Variants in MDFIC observed in about 807,000 individuals in gnomAD.
MDFIC encodes myoD family inhibitor domain-containing protein.
A neutral mutation model predicts 23.2 loss-of-function variants in MDFIC; 17 were observed. That is an observed-to-expected ratio of 0.73 (90% CI 0.50 to 1.10). The LOEUF (loss-of-function observed/expected upper bound fraction) is 1.10. Ranked by LOEUF, MDFIC falls within the 50% of genes least tolerant of loss-of-function variation. The probability of loss-of-function intolerance (pLI) is 0.00; values close to 1 mark genes in which losing one functional copy is unlikely to be tolerated. For missense variants in MDFIC, 356 were observed against 316.6 expected (o/e 1.12, Z -0.95); for synonymous variants, 120 against 115.2 (o/e 1.04, Z -0.27).
In MDFIC at chr7:114,952,248, G is replaced by A. The variant is rs550900147; in HGVS notation, c.217+9851G>A. On this transcript the variant is annotated intron_variant, in intron 3 of 4. Transcript: ENST00000393486. ...GAAACAATCGCCATGGGCAAGCTCCGGAAGGCAGTGGTTCTCAGCTCTTAG... is the reference window on the plus strand; with the variant it reads ...GAAACAATCGCCATGGGCAAGCTCCAGAAGGCAGTGGTTCTCAGCTCTTAG... Among the ~76,000 whole-genome samples the A allele has an allele frequency of 1.2e-3, 190 of 152,276 alleles. 1 individual carries two copies. The highest frequency in any genetic ancestry group is 4.0e-3 in the African/African-American group (166 of 41,558).
At chr7:114,956,962 G>T (rs968466648) in intron 3 of MDFIC, among the ~76,000 whole-genome samples, 2 of 152,072 alleles carry the variant, frequency 1.3e-5, no homozygotes, top group South Asian at 2.1e-4. Context: ...GTGTGTTTTG[G>T]CTCCTTGGCT....
intron 4 of MDFIC, among the ~76,000 whole-genome samples, chr7:114,991,301 C>T (rs930296485): frequency 6.6e-6 from 1 of 152,064 alleles, no homozygotes; most frequent in South Asian, 2.1e-4. Context: ...CTGTAGGTTG[C>T]CTGTTCACTC....
chr7:115,010,770 G>A (rs765201419), intron 4 of MDFIC, among the ~76,000 whole-genome samples: 1 of 152,030 alleles, frequency 6.6e-6, no homozygotes. Flanking sequence ...AGTCCTTAAC[G>A]TTTATGTTTT....
chr7:115,010,664 A>T (rs1039896694), intron 4 of MDFIC, among the ~76,000 whole-genome samples: 1 of 152,198 alleles, frequency 6.6e-6, no homozygotes, highest in East Asian at 1.9e-4. Flanking sequence ...CTAGTAAATT[A>T]TAAAGGACTT....
At position 114,942,107 on chromosome 7, in the gene MDFIC, A is replaced by G. The variant is rs2290076; in HGVS notation, c.95-168A>G. ...GCCAGGCTGATAGTAGGTGCTCAGT[A>G]AATACCTGTTACTGAGCCAATAAAA... On this transcript the variant is annotated intron_variant, in intron 2 of 4. Coordinates refer to ENST00000393486, the MANE Select transcript of MDFIC (RefSeq NM_001166345.3). Among the ~76,000 whole-genome samples, 79 of 152,358 alleles carry G rather than the reference A, an allele frequency of 5.2e-4. No homozygotes were observed. The East Asian group carries it at 0.014, about 28-fold the overall frequency.
At chr7:115,006,623 A>G (rs1378154884) in intron 4 of MDFIC, among the ~76,000 whole-genome samples, 1 of 152,258 alleles carries the variant, frequency 6.6e-6, no homozygotes, top group Non-Finnish European at 1.5e-5. Context: ...ACAGTTGGGA[A>G]AATAAAATTA....
intron 4 of MDFIC, among the ~76,000 whole-genome samples, chr7:115,015,153 T>A (rs982577673): frequency 2.0e-5 from 3 of 152,202 alleles, no homozygotes; most frequent in Non-Finnish European, 4.4e-5. Context: ...AATTGAATCA[T>A]TTGTATTGGA....
chr7:114,960,611 A>C (rs913802644), intron 3 of MDFIC, among the ~76,000 whole-genome samples: 1 of 152,224 alleles, frequency 6.6e-6, no homozygotes, highest in African/African-American at 2.4e-5. Context: ...TCTCAATCAG[A>C]AAAATATGCA....
In MDFIC at chr7:115,014,054, A is replaced by G. The variant is rs559713153; in HGVS notation, c.494-1634A>G. The G allele has an allele frequency of 3.0e-6, 3 of 985,360 alleles. No individual in the cohort carries two copies. The African/African-American group carries it at 5.2e-5, about 17-fold the overall frequency. 61.0% of individuals were successfully genotyped at this position (985,360 alleles called of 1,614,324 possible). A position where few individuals can be genotyped will look rare whatever the true frequency, so the allele number is the denominator to read the frequency against. ...GGAAAGAACAGTGTGTCCTTCTACA[A>G]ACACAACTCTGGAATTTCCCTTTTG... On this transcript the variant is annotated intron_variant, in intron 4 of 4. Transcript: ENST00000393486.
intron 4 of MDFIC, among the ~76,000 whole-genome samples, chr7:115,010,520 T>C (rs1791661116): frequency 6.6e-6 from 1 of 152,220 alleles, no homozygotes; most frequent in African/African-American, 2.4e-5. Context: ...AGAATATGAA[T>C]GTGTTTCTGG....
intron 4 of MDFIC, among the ~76,000 whole-genome samples, chr7:115,005,587 T>C (rs1791553596): frequency 6.6e-6 from 1 of 152,124 alleles, no homozygotes; most frequent in Non-Finnish European, 1.5e-5. Flanking sequence ...TACCTTATTT[T>C]CCCCAATTTA....
At chr7:114,968,301 T>A (rs1279388787) in intron 3 of MDFIC, among the ~76,000 whole-genome samples, 2 of 152,196 alleles carry the variant, frequency 1.3e-5, no homozygotes, top group African/African-American at 4.8e-5. Flanking sequence ...ATGGGCAAGA[T>A]TTTAATCTCA....
intron 4 of MDFIC, among the ~76,000 whole-genome samples, chr7:115,010,484 A>G (rs1791660152): frequency 6.6e-6 from 1 of 152,178 alleles, no homozygotes; most frequent in Non-Finnish European, 1.5e-5. Context: ...TGTAATTTCT[A>G]GATATTTCTC....
intron 4 of MDFIC, among the ~76,000 whole-genome samples, chr7:115,012,743 C>T (rs999556269): frequency 2.6e-5 from 4 of 152,118 alleles, no homozygotes; most frequent in Non-Finnish European, 5.9e-5. Context: ...TTCGGGAGGC[C>T]AAGGCAGGTG....
At chr7:114,969,198 C>T (rs531487820) in intron 3 of MDFIC, among the ~76,000 whole-genome samples, 3 of 152,274 alleles carry the variant, frequency 2.0e-5, no homozygotes, top group East Asian at 1.9e-4. Flanking sequence ...GCTACACTTC[C>T]GCCATCCTCA....
Position 114,922,500 on chromosome 7 carries a change from C to T in MDFIC, c.-244C>T, listed in dbSNP as rs771891549. 1.6e-6 allele frequency: 2 copies of T among 1,255,688 alleles called. No homozygotes were observed. Among genetic ancestry groups the T allele is most frequent in the African/African-American group, 3.1e-5 (2 of 64,710 alleles). The allele number at this position is 1,255,688 out of a possible 1,614,324, so 77.8% of individuals were successfully genotyped here. On this transcript the variant is annotated 5_prime_UTR_variant, in exon 1 of 5. Transcript: ENST00000393486. ...TGAGCCGGAGGGAGGCGGGAGGACG[C>T]GCAGGGGCGGCCGCCGCCGTCGTCA...
chr7:114,947,938 G>T lies in MDFIC; in HGVS notation c.217+5541G>T, dbSNP rs76583426. Among the ~76,000 whole-genome samples, 551 of 152,216 alleles carry T rather than the reference G, an allele frequency of 3.6e-3. 1 individual carries two copies. The highest frequency in any genetic ancestry group is 0.011 in the African/African-American group (460 of 41,536). On this transcript the variant is annotated intron_variant, in intron 3 of 4. Coordinates refer to ENST00000393486, the MANE Select transcript of MDFIC (RefSeq NM_001166345.3). Reference sequence around the variant, plus strand: ...CTTGAGCCCAGCTATTAGTTCTAAGGTTTGTTTTGTTTTGTTTTTTAAGTT... The same window carrying T: ...CTTGAGCCCAGCTATTAGTTCTAAGTTTTGTTTTGTTTTGTTTTTTAAGTT...
At chr7:114,984,961 A>C (rs1231210106) in intron 4 of MDFIC, among the ~76,000 whole-genome samples, 1 of 152,240 alleles carries the variant, frequency 6.6e-6, no homozygotes, top group Non-Finnish European at 1.5e-5. Context: ...TATATCATTG[A>C]ACATAAATGC....
chr7:114,989,968 T>A (rs1384192450), intron 4 of MDFIC, among the ~76,000 whole-genome samples: 1 of 152,288 alleles, frequency 6.6e-6, no homozygotes, highest in Admixed American at 6.5e-5. Context: ...TAATTGAATT[T>A]AATCATAGCT....
Sources: allele counts gnomAD v4.1 joint callset (sites outside exome capture counted in the v4.1 genomes callset), GRCh38; gene constraint gnomAD v4.1.1; transcripts MANE v1.5; gene names NCBI Gene and HGNC (gene_info 2026-07-23, HGNC 2026-07-21).